Variants in ATAD3A observed in about 807,000 individuals in gnomAD.
ATAD3A encodes ATPase family AAA domain-containing protein 3A.
ATAD3A carries 46 observed loss-of-function variants against 73.8 expected under a neutral mutation model. The ratio of observed to expected loss-of-function variants is 0.62; its 90% CI spans 0.49 to 0.80. The LOEUF (loss-of-function observed/expected upper bound fraction) is 0.80. Ranked by LOEUF, ATAD3A falls within the 30% of genes least tolerant of loss-of-function variation. The pLI is 0.00. For missense variants in ATAD3A, 705 were observed against 838.0 expected (o/e 0.84, Z 1.96); for synonymous variants, 319 against 350.0 (o/e 0.91, Z 0.99).
chr1:1,518,055 T>C (rs1641426743), intron 4 of ATAD3A, among the ~76,000 whole-genome samples: 1 of 150,390 alleles, frequency 6.6e-6, no homozygotes, highest in Non-Finnish European at 1.5e-5. Flanking sequence ...GTGCACCCAC[T>C]TCTGCACACA....
chr1:1,532,802 G>A (rs894273334), intron 15 of ATAD3A, among the ~76,000 whole-genome samples: 297 of 152,058 alleles, frequency 2.0e-3, no homozygotes, highest in Non-Finnish European at 3.4e-3. Context: ...CAGTGGTGGT[G>A]CGGCTCTGGT....
At chr1:1,527,218 T>G in intron 13 of ATAD3A, 1 of 1,302,118 alleles carries the variant, frequency 7.7e-7, no homozygotes, top group Non-Finnish European at 1.0e-6. Flanking sequence ...GGCTGACTCC[T>G]CAGGCACGTT....
At chr1:1,527,915 C>T in intron 14 of ATAD3A, 53 bp downstream of exon 14, 3 of 1,554,862 alleles carry the variant, frequency 1.9e-6, no homozygotes, top group South Asian at 1.2e-5. Context: ...TCAGGGTCCA[C>T]CCCGACCCAC....
In ATAD3A at chr1:1,522,797, G is replaced by T. The variant is rs145958395; in HGVS notation, c.804G>T (p.Thr268=). The change falls in exon 8 of 16, where the codon ACG becomes ACT. Residue 268 remains threonine (T), a synonymous_variant. Coordinates refer to ENST00000378756, the MANE Select transcript of ATAD3A (RefSeq NM_001170535.3). ...GGGTCTACTCAGCCAAGAATGCCAC[G>T]CTTGTCGCCGGCCGCTTCATCGAGG... The part of the protein sequence containing the change: ...AVGVYSAKNA[T]LVAGRFIEAR... 7 of 1,609,434 alleles carry T rather than the reference G, an allele frequency of 4.3e-6. 1 individual carries two copies. The African/African-American group carries it at 8.3e-5, about 19-fold the overall frequency.
chr1:1,517,056 G>A, intron 2 of ATAD3A: 1 of 1,491,354 alleles, frequency 6.7e-7, no homozygotes, highest in Non-Finnish European at 9.0e-7. Flanking sequence ...TGCCCTCAGT[G>A]CAGTCCAAAA....
At chr1:1,517,939 G>C (rs1641417476) in intron 4 of ATAD3A, among the ~76,000 whole-genome samples, 164 bp downstream of exon 4, 1 of 151,984 alleles carries the variant, frequency 6.6e-6, no homozygotes, top group South Asian at 2.1e-4. Flanking sequence ...CAGCACACGT[G>C]TACAGGCACA....
intron 13 of ATAD3A, 28 bp downstream of exon 13, chr1:1,526,559 C>G (rs1641853808): frequency 6.2e-6 from 10 of 1,611,652 alleles, no homozygotes; most frequent in East Asian, 2.2e-5. Flanking sequence ...GTCCTGGGCC[C>G]CCGGGCAGGG....
chr1:1,516,976 T>C (rs1641379124), intron 2 of ATAD3A: 1 of 1,117,954 alleles, frequency 8.9e-7, no homozygotes, highest in African/African-American at 1.6e-5. Context: ...CCTCCCAAAG[T>C]GCTGGGATTA....
Position 1,534,435 on chromosome 1 carries a change from T to C in ATAD3A, c.*363T>C, listed in dbSNP as rs1210449248. ...GGCAGCAGGAGCCAGGCAGGTGATG[T>C]CTTTGTTCTCGGCTCCCACAGCAGA... is the stretch of plus-strand genomic sequence containing the variant. On this transcript the variant is annotated 3_prime_UTR_variant, in exon 16 of 16. Coordinates refer to ENST00000378756, the MANE Select transcript of ATAD3A (RefSeq NM_001170535.3). The C allele has an allele frequency of 1.6e-6, 2 of 1,255,180 alleles. No homozygotes were observed. The highest frequency in any genetic ancestry group is 3.0e-5 in the African/African-American group (2 of 65,666). 77.8% of individuals were successfully genotyped at this position (1,255,180 alleles called of 1,614,324 possible). A position where few individuals can be genotyped will look rare whatever the true frequency, so the allele number is the denominator to read the frequency against.
chr1:1,517,047 G>A, intron 2 of ATAD3A: 1 of 1,462,820 alleles, frequency 6.8e-7, no homozygotes, highest in Non-Finnish European at 9.1e-7. Context: ...CATGAGCTCT[G>A]CCCTCAGTGC....
At chr1:1,533,236 T>C (rs1463424925) in intron 15 of ATAD3A, among the ~76,000 whole-genome samples, 1 of 152,134 alleles carries the variant, frequency 6.6e-6, no homozygotes, top group African/African-American at 2.4e-5. Flanking sequence ...CTGAGCACGG[T>C]GCCCAGTGGG....
chr1:1,532,352 A>G (rs2767467), intron 15 of ATAD3A, among the ~76,000 whole-genome samples: 42 of 152,318 alleles, frequency 2.8e-4, no homozygotes, highest in African/African-American at 9.1e-4. Context: ...TTGAGGAGTG[A>G]TACTGATTCT....
rs377549055 is a variant in ATAD3A at position 1,534,108 on chromosome 1, C to T, written c.*36C>T. The T allele has an allele frequency of 6.6e-5, 106 of 1,613,212 alleles. No individual in the cohort carries two copies. The highest frequency in any genetic ancestry group is 1.7e-4 in the Middle Eastern group (1 of 5,974). ...AGATCCACAGCTCACGGAGCCTGGC[C>T]GCGGACCCCTCCCACCCCTGCCTTG... On this transcript the variant is annotated 3_prime_UTR_variant, in exon 16 of 16. Coordinates refer to ENST00000378756, the MANE Select transcript of ATAD3A (RefSeq NM_001170535.3).
rs1641679796 is a variant in ATAD3A at position 1,523,493 on chromosome 1, C to T, written c.907-18C>T. 6.2e-7 allele frequency: 1 copy of T among 1,609,904 alleles called. No individual in the cohort carries two copies. The highest frequency in any genetic ancestry group is 8.5e-7 in the Non-Finnish European group (1 of 1,178,662). On this transcript the variant is annotated intron_variant, in intron 8 of 15. Coordinates refer to ENST00000378756, the MANE Select transcript of ATAD3A (RefSeq NM_001170535.3). This position sits in a 1 kb window ranked among gnomAD's most constrained non-coding sequence, Gnocchi z 5.1. ...TGTGGCAGGTGACCCGATGGCGCTTCCCCTTCCCCTCCGGCAGGTCAGCCG... is the reference window on the plus strand; with the variant it reads ...TGTGGCAGGTGACCCGATGGCGCTTTCCCTTCCCCTCCGGCAGGTCAGCCG...
intron 15 of ATAD3A, among the ~76,000 whole-genome samples, chr1:1,529,886 A>G (rs1246432341): frequency 6.6e-6 from 1 of 152,214 alleles, no homozygotes; most frequent in African/African-American, 2.4e-5. Context: ...GGGCGTGGCC[A>G]TCCAGAAAGC....
At chr1:1,525,137 C>A in intron 11 of ATAD3A, 103 bp from the exon 12 acceptor site, 2 of 1,490,416 alleles carry the variant, frequency 1.3e-6, no homozygotes, top group Non-Finnish European at 1.9e-6. Flanking sequence ...AGCCTGACCC[C>A]GTGGGGATCT....
At position 1,520,454 on chromosome 1, in the gene ATAD3A, G is replaced by T; in HGVS notation, c.681-94G>T. 1 of 1,607,736 alleles carries T rather than the reference G, an allele frequency of 6.2e-7. No individual in the cohort carries two copies. Among genetic ancestry groups the T allele is most frequent in the Non-Finnish European group, 8.5e-7 (1 of 1,175,378 alleles). On this transcript the variant is annotated intron_variant, in intron 6 of 15. Coordinates refer to ENST00000378756, the MANE Select transcript of ATAD3A (RefSeq NM_001170535.3). This position sits in a 1 kb window ranked among gnomAD's most constrained non-coding sequence, Gnocchi z 4.0. ...ACTGCCCCTCTGTCCTGGCAAGGCC[G>T]TGCCGCCATGTCAGGGCCTCACCCT...
intron 7 of ATAD3A, among the ~76,000 whole-genome samples, chr1:1,522,009 G>T (rs192243797): frequency 1.1e-4 from 17 of 151,514 alleles, no homozygotes; most frequent in Admixed American, 1.1e-3. Flanking sequence ...GATTACACGG[G>T]TGAGCCACCG....
In ATAD3A at chr1:1,520,114, C is replaced by T. The variant is rs970215052; in HGVS notation, c.515-27C>T. On this transcript the variant is annotated intron_variant, in intron 5 of 15. Coordinates refer to ENST00000378756, the MANE Select transcript of ATAD3A (RefSeq NM_001170535.3). This position sits in a 1 kb window ranked among gnomAD's most constrained non-coding sequence, Gnocchi z 4.0. ...GGTGGACGCGCTGCACTGCATGGTG[C>T]TGAGCTGCCCTGCCTCTCTGGGGCA... 1.2e-6 allele frequency: 2 copies of T among 1,602,540 alleles called. No homozygotes were observed. The highest frequency in any genetic ancestry group is 8.5e-7 in the Non-Finnish European group (1 of 1,176,580).
Sources: allele counts gnomAD v4.1 joint callset (sites outside exome capture counted in the v4.1 genomes callset), GRCh38; gene constraint gnomAD v4.1.1; non-coding constraint Gnocchi (gnomAD v3.1); transcripts MANE v1.5; gene names NCBI Gene and HGNC (gene_info 2026-07-23, HGNC 2026-07-21).